Variants in PEX5L observed in about 807,000 individuals in gnomAD.
PEX5L encodes peroxisomal biogenesis factor 5 like.
In PEX5L, 30 loss-of-function variants were observed where a neutral mutation model predicts 84.0. That is an observed-to-expected ratio of 0.36 (90% CI 0.27 to 0.48). The LOEUF (loss-of-function observed/expected upper bound fraction) is 0.48, where lower values mean the gene tolerates loss of function less well. PEX5L is among the 20% of genes least tolerant of loss of function. PEX5L has a pLI of 0.99. For synonymous variants in PEX5L, 270 were observed against 283.1 expected (o/e 0.95, Z 0.46); for missense variants, 533 against 754.6 (o/e 0.71, Z 3.44).
intron 2 of PEX5L, among the ~76,000 whole-genome samples, chr3:179,931,918 C>T (rs990852110): frequency 1.0e-5 from 1 of 97,132 alleles, no homozygotes; most frequent in Non-Finnish European, 2.1e-5. Flanking sequence ...GCTGATGGAA[C>T]CAAACTTCTA....
chr3:179,909,876 A>G (rs929071763), intron 2 of PEX5L, among the ~76,000 whole-genome samples: 1 of 152,120 alleles, frequency 6.6e-6, no homozygotes, highest in Non-Finnish European at 1.5e-5. Flanking sequence ...GAAGAAACCA[A>G]CCCTGCCCAC....
intron 2 of PEX5L, among the ~76,000 whole-genome samples, chr3:179,906,887 A>G (rs1238405376): frequency 6.8e-6 from 1 of 147,974 alleles, no homozygotes; most frequent in Non-Finnish European, 1.5e-5. Flanking sequence ...AAAGCATGAG[A>G]ATCATTCATC....
chr3:179,831,615 A>C (rs1197238072), intron 8 of PEX5L, among the ~76,000 whole-genome samples: 1 of 152,168 alleles, frequency 6.6e-6, no homozygotes. Context: ...GCAATACAGC[A>C]TTATAAGGGC....
At chr3:179,815,264 C>T (rs967979838) in intron 10 of PEX5L, among the ~76,000 whole-genome samples, 1 of 152,332 alleles carries the variant, frequency 6.6e-6, no homozygotes, top group African/African-American at 2.4e-5. Flanking sequence ...TATACTGTCC[C>T]TTGAAAACTA....
intron 3 of PEX5L, among the ~76,000 whole-genome samples, chr3:179,890,732 A>G (rs1757357099): frequency 6.6e-6 from 1 of 152,162 alleles, no homozygotes; most frequent in Non-Finnish European, 1.5e-5. Context: ...TTCTGTGTAC[A>G]TATATGTGTG....
At chr3:179,941,659 A>C (rs767610456) in intron 2 of PEX5L, among the ~76,000 whole-genome samples, 2 of 152,204 alleles carry the variant, frequency 1.3e-5, no homozygotes, top group Non-Finnish European at 2.9e-5. Context: ...CCTGGTAGAA[A>C]AGAGTGAGTA....
chr3:179,892,833 G>A (rs1758005692), intron 3 of PEX5L, among the ~76,000 whole-genome samples: 1 of 151,958 alleles, frequency 6.6e-6, no homozygotes, highest in African/African-American at 2.4e-5. Context: ...TTAAAATAAA[G>A]GTCTAAGCCT....
chr3:179,811,677 C>A, intron 11 of PEX5L, 124 bp downstream of exon 11: 1 of 760,048 alleles, frequency 1.3e-6, no homozygotes, highest in Non-Finnish European at 2.3e-6. Flanking sequence ...TGCGGTATCT[C>A]AGCACTTATC....
intron 1 of PEX5L, among the ~76,000 whole-genome samples, chr3:180,036,042 C>G (rs1180886862): frequency 6.6e-6 from 1 of 152,166 alleles, no homozygotes; most frequent in African/African-American, 2.4e-5. Context: ...TTCATCCTCC[C>G]AAGTCATCCT....
chr3:179,892,597 T>C (rs1048341250), intron 3 of PEX5L, among the ~76,000 whole-genome samples: 1 of 152,160 alleles, frequency 6.6e-6, no homozygotes, highest in Non-Finnish European at 1.5e-5. Context: ...CCTACTGGAT[T>C]TGATCAATTC....
At chr3:179,830,798 A>G (rs915358599) in intron 8 of PEX5L, among the ~76,000 whole-genome samples, 3 of 152,174 alleles carry the variant, frequency 2.0e-5, no homozygotes, top group African/African-American at 7.2e-5. Context: ...ATGCCAGGCC[A>G]GAGACTCTAC....
chr3:180,031,371 G>A (rs1791451207), intron 1 of PEX5L, among the ~76,000 whole-genome samples: 1 of 151,992 alleles, frequency 6.6e-6, no homozygotes, highest in Non-Finnish European at 1.5e-5. Context: ...TGAGGTGGGG[G>A]GTAAGGAAAA....
At position 179,875,302 on chromosome 3, in the gene PEX5L, A is replaced by G. The variant is rs1482917511; in HGVS notation, c.629+52T>C. On this transcript the variant is annotated intron_variant, in intron 6 of 14. Coordinates refer to ENST00000467460, the MANE Select transcript of PEX5L (RefSeq NM_016559.3). ...TTAACTCTTTGGCTATTTCAGTGCCACTCATAAAGTTGATACATAAATGGC... is the reference window on the plus strand; with the variant it reads ...TTAACTCTTTGGCTATTTCAGTGCCGCTCATAAAGTTGATACATAAATGGC... 1.4e-5 allele frequency: 22 copies of G among 1,583,978 alleles called. No homozygotes were observed. In the East Asian group the frequency reaches 2.2e-4, roughly 16 times the overall value.
intron 8 of PEX5L, among the ~76,000 whole-genome samples, chr3:179,851,222 C>T (rs1741721311): frequency 6.6e-6 from 1 of 152,182 alleles, no homozygotes; most frequent in Admixed American, 6.5e-5. Context: ...GGCTTATAAA[C>T]AGCAAACATT....
chr3:179,809,359 A>C (rs1232610090), intron 12 of PEX5L, 112 bp downstream of exon 12: 2 of 787,556 alleles, frequency 2.5e-6, no homozygotes, highest in East Asian at 2.5e-5. Flanking sequence ...CTGTCCTGCA[A>C]ACCATTCTGG....
intron 2 of PEX5L, among the ~76,000 whole-genome samples, chr3:179,931,916 A>T (rs1334829265): frequency 9.1e-6 from 1 of 109,624 alleles, no homozygotes; most frequent in East Asian, 2.6e-4. Flanking sequence ...TTGCTGATGG[A>T]ACCAAACTTC....
intron 12 of PEX5L, among the ~76,000 whole-genome samples, chr3:179,808,716 C>A (rs1178725236): frequency 6.6e-6 from 1 of 152,048 alleles, no homozygotes; most frequent in Non-Finnish European, 1.5e-5. Flanking sequence ...TGTGGAAAAC[C>A]CCACAGCTAA....
intron 1 of PEX5L, among the ~76,000 whole-genome samples, chr3:180,010,550 T>C (rs573086263): frequency 6.6e-6 from 1 of 152,206 alleles, no homozygotes; most frequent in African/African-American, 2.4e-5. Flanking sequence ...TGAGAAAATG[T>C]AACACGTTTG....
At chr3:179,979,999 C>T (rs924224699) in intron 1 of PEX5L, among the ~76,000 whole-genome samples, 1 of 152,128 alleles carries the variant, frequency 6.6e-6, no homozygotes, top group Non-Finnish European at 1.5e-5. Flanking sequence ...ACCTTGCAAA[C>T]TAAAACGCGA....
Sources: gnomAD v4.1 joint callset for allele counts (sites outside exome capture counted in the v4.1 genomes callset) on GRCh38, gnomAD v4.1.1 for gene constraint, MANE v1.5 for transcripts, NCBI Gene and HGNC (gene_info 2026-07-23, HGNC 2026-07-21) for gene names.